GNAS: variants seen among roughly 807,000 people sequenced by gnomAD.
GNAS encodes protein ALEX.
Under a neutral mutation model 54.5 loss-of-function variants are expected in GNAS, and 8 were observed. That is an observed-to-expected ratio of 0.15 (90% CI 0.09 to 0.26). The LOEUF (loss-of-function observed/expected upper bound fraction) is 0.26, where lower values mean the gene tolerates loss of function less well. GNAS is among the 10% of genes least tolerant of loss of function. The pLI, the probability that GNAS is intolerant of heterozygous loss-of-function variation, is 1.00. For synonymous variants in GNAS, 204 were observed against 191.4 expected, an observed-to-expected ratio of 1.07 and a Z score of -0.54; for missense variants, 170 against 529.8, an observed-to-expected ratio of 0.32 and a Z score of 6.67.
At chr20:58,854,132 C>A in intron 1 of GNAS, 1 of 1,612,434 alleles carries the variant, frequency 6.2e-7, no homozygotes, top group Non-Finnish European at 8.5e-7. Flanking sequence ...AAGAGGCTGT[C>A]AGACCTCCTT....
rs753247629 is a variant in GNAS, at chr20:58,909,509, C to T, written c.660-12C>T. ...TCCCTCTGGAATAACCAGCTGTCCT[C>T]CTCCCCACCAGCATGTTTGACGTGG... On this transcript the variant is annotated splice_polypyrimidine_tract_variant and intron_variant, in intron 8 of 12. Coordinates refer to ENST00000371085, the MANE Select transcript of GNAS (RefSeq NM_000516.7). This position sits in a 1 kb window ranked among gnomAD's most constrained non-coding sequence, Gnocchi z 7.3. 6.2e-7 allele frequency: 1 copy of T among 1,614,034 alleles called. No individual in the cohort carries two copies.
At chr20:58,839,930 T>C (rs1232880144), upstream of GNAS, 1 of 638,852 alleles carries the variant, frequency 1.6e-6, no homozygotes, top group Non-Finnish European at 2.7e-6. Context: ...AGTTCTTAAG[T>C]GGTCAGGAAG....
At chr20:58,899,784 C>T (rs1234843623) in intron 3 of GNAS, among the ~76,000 whole-genome samples, 1 of 152,038 alleles carries the variant, frequency 6.6e-6, no homozygotes, top group Non-Finnish European at 1.5e-5. Context: ...GTGTATTTAG[C>T]ATGCAGTGGT....
At chr20:58,895,579 C>A in intron 1 of GNAS, 33 bp from the exon 2 acceptor site, 1 of 1,388,464 alleles carries the variant, frequency 7.2e-7, no homozygotes, top group Non-Finnish European at 1.0e-6. Context: ...AAAATGCCTC[C>A]TTCATAACCT....
upstream of GNAS, chr20:58,889,155 G>C (rs765146828): frequency 1.3e-5 from 16 of 1,215,288 alleles, no homozygotes; most frequent in East Asian, 1.2e-3. Flanking sequence ...CCGGTTAGAA[G>C]CTCTGCTCCC....
chr20:58,897,783 T>TA (rs1464206365), intron 2 of GNAS: 1 of 152,216 alleles, frequency 6.6e-6, no homozygotes, highest in Non-Finnish European at 1.5e-5. Flanking sequence ...GGAGCCTAGA[T>TA]ACCTTATTTT....
chr20:58,889,475 C>A (rs1568969939), upstream of GNAS: 1 of 367,556 alleles, frequency 2.7e-6, no homozygotes, highest in East Asian at 1.7e-4. Flanking sequence ...GGGGCGCCTC[C>A]GGGCACCCCC....
At chr20:58,908,843 G>T in intron 6 of GNAS, 1 of 382,168 alleles carries the variant, frequency 2.6e-6, no homozygotes, top group Non-Finnish European at 4.8e-6. Context: ...AAATAAACAC[G>T]AAGAACAAAG....
intron 1 of GNAS, among the ~76,000 whole-genome samples, chr20:58,881,142 C>A (rs1302684786): frequency 1.3e-5 from 2 of 152,162 alleles, no homozygotes; most frequent in East Asian, 1.9e-4. Flanking sequence ...AACTAAGGAA[C>A]TTTTCAGGCT....
intron 1 of GNAS, chr20:58,892,530 A>C (rs1555884467): frequency 2.0e-5 from 1 of 49,902 alleles, no homozygotes; most frequent in Non-Finnish European, 3.7e-5. Context: ...AGTGGGGGGG[A>C]GGGGGCGCAA....
upstream of GNAS, among the ~76,000 whole-genome samples, chr20:58,886,611 AC>A (rs201718139): frequency 0.011 from 1,649 of 152,230 alleles, 36 homozygotes; most frequent in African/African-American, 0.037. Flanking sequence ...TAAATTACTA[AC>A]TCATATGAAA....
At chr20:58,895,727 C>A in intron 2 of GNAS, 43 bp downstream of exon 2, 1 of 1,116,912 alleles carries the variant, frequency 9.0e-7, no homozygotes, top group Non-Finnish European at 1.4e-6. Flanking sequence ...GTAAGAGGAA[C>A]AGACTTTATA....
chr20:58,872,535 C>T lies in GNAS; in HGVS notation c.44-23077C>T, dbSNP rs115125270. Among the ~76,000 whole-genome samples, 1,012 of 152,192 alleles carry T rather than the reference C, an allele frequency of 6.6e-3. 12 individuals carry two copies. Among genetic ancestry groups the T allele is most frequent in the African/African-American group, 0.023 (957 of 41,514 alleles). On this transcript the variant is annotated intron_variant, in intron 1 of 12. Transcript: ENST00000306090. Reference sequence around the variant, plus strand: ...CCAGACCCACTGTAGGCATTGTTTTCTTTTTTTCTTTTTCCTTCCTTCCTC... The same window carrying T: ...CCAGACCCACTGTAGGCATTGTTTTTTTTTTTTCTTTTTCCTTCCTTCCTC...
At chr20:58,855,008 C>T (rs372532753) in intron 1 of GNAS, 46 of 1,612,644 alleles carry the variant, frequency 2.9e-5, no homozygotes, top group Non-Finnish European at 3.6e-5. Flanking sequence ...GAGACGAGTC[C>T]GACGATGGGA....
At chr20:58,903,608 G>A (rs1483105431) in intron 4 of GNAS, 23 bp downstream of exon 4, 2 of 1,613,876 alleles carry the variant, frequency 1.2e-6, no homozygotes, top group Admixed American at 1.7e-5. Context: ...TCCTTGTGCT[G>A]TCTGTCTTGT....
At chr20:58,888,922 G>A (rs1400072492), upstream of GNAS, 1 of 202,590 alleles carries the variant, frequency 4.9e-6, no homozygotes, top group Non-Finnish European at 8.7e-6. Flanking sequence ...TGGGAGGCGG[G>A]GTTGAGCGCC....
chr20:58,900,039 A>G, intron 3 of GNAS: 2 of 708,506 alleles, frequency 2.8e-6, no homozygotes. Context: ...CGGTCTTAGG[A>G]ACTTCTAATA....
At position 58,841,796 on chromosome 20, in the gene GNAS, T is replaced by C. The variant is rs1312039682; in HGVS notation, c.43+910T>C. The C allele has an allele frequency of 2.4e-6, 3 of 1,230,784 alleles. No homozygotes were observed. The highest frequency in any genetic ancestry group is 2.0e-6 in the Non-Finnish European group (2 of 987,886). 76.2% of individuals were successfully genotyped at this position (1,230,784 alleles called of 1,614,324 possible). ...GGCGCAGCTGGTCGGGTGGCCAGGC[T>C]GCATGCGGCTTAGCAGGAGACGTCC... On this transcript the variant is annotated intron_variant, in intron 1 of 12. Transcript: ENST00000306090. This position sits in a 1 kb window ranked among gnomAD's most constrained non-coding sequence, Gnocchi z 5.0.
chr20:58,904,498 A>G (rs958299833), intron 5 of GNAS, among the ~76,000 whole-genome samples: 1 of 152,278 alleles, frequency 6.6e-6, no homozygotes, highest in African/African-American at 2.4e-5. Flanking sequence ...AAGCCCAAGC[A>G]TATAAGTTTA....
Sources: gnomAD v4.1 joint callset for allele counts (sites outside exome capture counted in the v4.1 genomes callset) on GRCh38, gnomAD v4.1.1 for gene constraint, Gnocchi (gnomAD v3.1) non-coding constraint, MANE v1.5 for transcripts, NCBI Gene and HGNC (gene_info 2026-07-23, HGNC 2026-07-21) for gene names.